Variants in DYNC2LI1 observed in about 807,000 individuals in gnomAD.
DYNC2LI1 encodes cytoplasmic dynein 2 light intermediate chain 1.
Under a neutral mutation model 51.9 loss-of-function variants are expected in DYNC2LI1, and 45 were observed. The observed-to-expected ratio is 0.87, with a 90% CI of 0.68 to 1.11. The LOEUF is 1.11. Ranked by LOEUF, DYNC2LI1 falls within the 50% of genes most tolerant of loss-of-function variation. The pLI, the probability that DYNC2LI1 is intolerant of heterozygous loss-of-function variation, is 0.00. For synonymous variants in DYNC2LI1, 130 were observed against 137.8 expected (o/e 0.94, Z 0.40); for missense variants, 490 against 417.4 (o/e 1.17, Z -1.51).
rs1392212223 is a variant in DYNC2LI1, at chr2:43,776,845, T to C, written c.72T>C (p.Gly24=). The C allele has an allele frequency of 2.5e-6, 4 of 1,604,136 alleles. No homozygotes were observed. The highest frequency in any genetic ancestry group is 1.1e-5 in the South Asian group (1 of 89,178). ...VEKRGINGSE[G]DGAEIAEKFV... is the part of the protein sequence containing the mutation. The stretch of plus-strand genomic sequence containing the variant: ...AAAGGGGAATTAATGGAAGTGAAGG[T>C]GATGGAGCTGAAATTGCAGAAAAAT... Residue 24 remains glycine (G), a synonymous_variant, in exon 2 of 13, where the codon GGT becomes GGC. Coordinates refer to ENST00000260605, the MANE Select transcript of DYNC2LI1 (RefSeq NM_016008.4).
intron 2 of DYNC2LI1, among the ~76,000 whole-genome samples, chr2:43,779,316 T>C (rs538450190): frequency 3.9e-5 from 6 of 152,312 alleles, no homozygotes; most frequent in Non-Finnish European, 5.9e-5. Context: ...AACATTATTT[T>C]GGAAGATAAA....
At chr2:43,823,596 A>G in the DYNC2LI1 span, among the ~76,000 whole-genome samples, 6 of 152,108 alleles carry the variant, frequency 3.9e-5, no homozygotes, top group Non-Finnish European at 8.8e-5. Context: ...TGAGCACCCC[A>G]TGGGCTGTGC....
At chr2:43,817,789 A>C in the DYNC2LI1 span, among the ~76,000 whole-genome samples, 1 of 151,838 alleles carries the variant, frequency 6.6e-6, no homozygotes, top group Non-Finnish European at 1.5e-5. Flanking sequence ...AGGCACCTGT[A>C]ATCCCAGCTA....
At chr2:43,805,023 G>A (rs1666199133) in intron 11 of DYNC2LI1, 131 bp from the exon 12 acceptor site, 2 of 608,864 alleles carry the variant, frequency 3.3e-6, no homozygotes, top group Middle Eastern at 2.7e-4. Flanking sequence ...CAGTGGTGAT[G>A]AGAAAAGCTA....
chr2:43,826,448 C>T, the DYNC2LI1 span: 7 of 1,614,178 alleles, frequency 4.3e-6, no homozygotes, highest in Non-Finnish European at 5.9e-6. Flanking sequence ...GAGCCAGTTC[C>T]ACCAGGAGGA....
At chr2:43,825,823 A>G in the DYNC2LI1 span, among the ~76,000 whole-genome samples, 9 of 152,232 alleles carry the variant, frequency 5.9e-5, no homozygotes, top group African/African-American at 2.2e-4. Flanking sequence ...TAAGGTGAAT[A>G]CACTGAAACA....
chr2:43,774,488 C>G (rs1672921819), intron 1 of DYNC2LI1, among the ~76,000 whole-genome samples: 1 of 152,182 alleles, frequency 6.6e-6, no homozygotes, highest in African/African-American at 2.4e-5. Context: ...GGGGCCTCCC[C>G]TCCTGGTGCG....
At chr2:43,811,591 A>C (rs1666481868), downstream of DYNC2LI1, among the ~76,000 whole-genome samples, 1 of 152,054 alleles carries the variant, frequency 6.6e-6, no homozygotes, top group Non-Finnish European at 1.5e-5. Flanking sequence ...AGTAATTTTA[A>C]TACAGAACCT....
At chr2:43,813,709 G>GTTTTTTTTTTTTTTTTTT (rs1214033245), downstream of DYNC2LI1, among the ~76,000 whole-genome samples, 9 of 34,064 alleles carry the variant, frequency 2.6e-4, 1 homozygote, top group African/African-American at 3.8e-4. Context: ...TTTTTTTTTC[G>GTTTTTTTTTTTTTTTTTT]TTTTTTTTTT....
chr2:43,805,955 C>A (rs1055853187), intron 12 of DYNC2LI1, among the ~76,000 whole-genome samples: 14 of 151,840 alleles, frequency 9.2e-5, no homozygotes, highest in African/African-American at 2.7e-4. Flanking sequence ...GACCTCGGCT[C>A]ACTACAACCT....
At chr2:43,814,359 CAG>C (rs1213441690), downstream of DYNC2LI1, 10 of 720,010 alleles carry the variant, frequency 1.4e-5, no homozygotes, top group East Asian at 5.5e-5. Context: ...TATTTCAAAA[CAG>C]AGTTTTAAAT....
At chr2:43,774,668 C>A (rs998568415) in intron 1 of DYNC2LI1, among the ~76,000 whole-genome samples, 7 of 152,200 alleles carry the variant, frequency 4.6e-5, no homozygotes, top group African/African-American at 1.7e-4. Context: ...CTTTTCTCAA[C>A]AATTTATGCT....
the DYNC2LI1 span, chr2:43,824,258 T>C: frequency 7.4e-6 from 12 of 1,614,246 alleles, no homozygotes; most frequent in South Asian, 1.1e-5. Context: ...TCCAGGAGAA[T>C]CTTTGGTTTT....
At position 43,807,743 on chromosome 2, in the gene DYNC2LI1, CAAAAAAAAAAAAAA is replaced by C. The variant is rs536977133; in HGVS notation, c.994-1945_994-1932del. On this transcript the variant is annotated intron_variant, in intron 12 of 12. Coordinates refer to ENST00000260605, the MANE Select transcript of DYNC2LI1 (RefSeq NM_016008.4). ...TTCTTTTCTATTATTTTTGTTAAAG[CAAAAAAAAAAAAAA>C]AAAAAAAAAAAAAAAAGGTTACAGT... is the stretch of plus-strand genomic sequence containing the variant. Among the ~76,000 whole-genome samples, 20 of 41,632 alleles carry C rather than the reference CAAAAAAAAAAAAAA, an allele frequency of 4.8e-4. 1 individual carries two copies. The highest frequency in any genetic ancestry group is 1.6e-3 in the South Asian group (1 of 628). 27.3% of individuals were successfully genotyped at this position (41,632 alleles called of 152,430 possible). A position where few individuals can be genotyped will look rare whatever the true frequency, so the allele number is the denominator to read the frequency against.
downstream of DYNC2LI1, among the ~76,000 whole-genome samples, chr2:43,810,794 T>A (rs1666454317): frequency 6.6e-6 from 1 of 152,212 alleles, no homozygotes; most frequent in Non-Finnish European, 1.5e-5. Flanking sequence ...CTGAGTGCTA[T>A]GGAAAAAGAA....
intron 5 of DYNC2LI1, chr2:43,792,709 T>C (rs1673849891): frequency 6.5e-7 from 1 of 1,548,850 alleles, no homozygotes; most frequent in African/African-American, 1.4e-5. Context: ...TGCCTGTCTC[T>C]ATGAATTTGA....
At chr2:43,783,085 T>C (rs1447388343) in intron 2 of DYNC2LI1, among the ~76,000 whole-genome samples, 1 of 152,256 alleles carries the variant, frequency 6.6e-6, no homozygotes, top group African/African-American at 2.4e-5. Context: ...TTGCTTACTT[T>C]GAACATATTT....
chr2:43,805,131 G>T, intron 11 of DYNC2LI1, 23 bp from the exon 12 acceptor site: 2 of 1,550,742 alleles, frequency 1.3e-6, no homozygotes, highest in African/African-American at 2.7e-5. Flanking sequence ...GGCGTGAAGT[G>T]ATTTTGAGAT....
chr2:43,806,407 G>A (rs1299382574), intron 12 of DYNC2LI1, among the ~76,000 whole-genome samples: 2 of 152,088 alleles, frequency 1.3e-5, no homozygotes, highest in African/African-American at 4.8e-5. Context: ...ATTCACCTTC[G>A]GGGGCTGTTG....
Sources: allele counts gnomAD v4.1 joint callset (sites outside exome capture counted in the v4.1 genomes callset), GRCh38; gene constraint gnomAD v4.1.1; transcripts MANE v1.5; gene names NCBI Gene and HGNC (gene_info 2026-07-23, HGNC 2026-07-21).